DLEU7: variants seen among roughly 807,000 people sequenced by gnomAD.
DLEU7 encodes leukemia-associated protein 7.
In DLEU7, 17 loss-of-function variants were observed where a neutral mutation model predicts 16.0. The ratio of observed to expected loss-of-function variants is 1.06; its 90% CI spans 0.73 to 1.59. The LOEUF is 1.59. DLEU7 is among the 40% of genes most tolerant of loss of function. The pLI is 0.00. For missense variants in DLEU7, 308 were observed against 314.9 expected (o/e 0.98, Z 0.17); for synonymous variants, 113 against 139.8 (o/e 0.81, Z 1.35).
At position 50,786,721 on chromosome 13, in the gene DLEU7, A is replaced by C. The variant is rs191643335; in HGVS notation, c.459+56467T>G. Among the ~76,000 whole-genome samples, 52 of 152,294 alleles carry C rather than the reference A, an allele frequency of 3.4e-4. No individual in the cohort carries two copies. The East Asian group carries it at 9.4e-3, about 28-fold the overall frequency. Reference sequence around the variant, plus strand: ...AAATGGAATTTTTAGAAAACATAAAATCCTTTATTTTTTAACTCTTTGTGT... The same window carrying C: ...AAATGGAATTTTTAGAAAACATAAACTCCTTTATTTTTTAACTCTTTGTGT... On this transcript the variant is annotated intron_variant, in intron 1 of 1. Coordinates refer to the DLEU7 transcript ENST00000400393.
At chr13:50,756,036 G>A (rs948270729) in intron 1 of DLEU7, among the ~76,000 whole-genome samples, 2 of 152,198 alleles carry the variant, frequency 1.3e-5, no homozygotes, top group South Asian at 2.1e-4. Context: ...GGTACTGGGG[G>A]TTGTCTGCAC....
chr13:50,761,776 C>G (rs1281378692), intron 1 of DLEU7, among the ~76,000 whole-genome samples: 1 of 152,070 alleles, frequency 6.6e-6, no homozygotes, highest in East Asian at 1.9e-4. Flanking sequence ...AACCACAAGT[C>G]TAAATCAAAA....
At chr13:50,778,710 T>C (rs61964482) in intron 1 of DLEU7, among the ~76,000 whole-genome samples, 3 of 152,216 alleles carry the variant, frequency 2.0e-5, no homozygotes, top group Non-Finnish European at 2.9e-5. Context: ...TTCCTAGTTT[T>C]CCAAATGTCC....
At chr13:50,822,580 G>A (rs1223377572), downstream of DLEU7, 1 of 966,066 alleles carries the variant, frequency 1.0e-6, no homozygotes, top group Non-Finnish European at 1.2e-6. Context: ...TTTTTTTAAA[G>A]AATTTCCTAC....
intron 1 of DLEU7, among the ~76,000 whole-genome samples, chr13:50,801,372 T>C (rs1275165285): frequency 6.6e-6 from 1 of 152,122 alleles, no homozygotes; most frequent in Non-Finnish European, 1.5e-5. Context: ...GACCATTCTT[T>C]AGCAGCACGG....
intron 1 of DLEU7, among the ~76,000 whole-genome samples, chr13:50,782,859 T>C (rs1875695526): frequency 6.6e-6 from 1 of 152,016 alleles, no homozygotes; most frequent in South Asian, 2.1e-4. Flanking sequence ...CATTAATTAC[T>C]GAATGTAGCA....
chr13:50,785,855 A>G (rs1875782334), intron 1 of DLEU7, among the ~76,000 whole-genome samples: 1 of 152,188 alleles, frequency 6.6e-6, no homozygotes. Flanking sequence ...AGGTGTGGCC[A>G]TGGATATTCC....
chr13:50,764,322 C>T (rs1875035104), intron 1 of DLEU7, among the ~76,000 whole-genome samples: 1 of 152,198 alleles, frequency 6.6e-6, no homozygotes, highest in Non-Finnish European at 1.5e-5. Context: ...TTCCTTCTTC[C>T]ACTCCTATAT....
At chr13:50,771,258 A>G (rs1875299405) in intron 1 of DLEU7, among the ~76,000 whole-genome samples, 2 of 152,000 alleles carry the variant, frequency 1.3e-5, no homozygotes, top group African/African-American at 2.4e-5. Flanking sequence ...TTGTGTCTCT[A>G]TCTCCTTCAG....
At chr13:50,732,953 C>T (rs1413533643) in intron 1 of DLEU7, among the ~76,000 whole-genome samples, 2 of 152,148 alleles carry the variant, frequency 1.3e-5, no homozygotes, top group South Asian at 2.1e-4. Context: ...ACTGTGATGT[C>T]CTGAGGGCAT....
At chr13:50,805,498 A>G (rs9535485) in intron 1 of DLEU7, among the ~76,000 whole-genome samples, 11,954 of 152,136 alleles carry the variant, frequency 0.079, 635 homozygotes, top group East Asian at 0.14. Flanking sequence ...TTATTGTTTT[A>G]TTATTTTGAT....
intron 1 of DLEU7, among the ~76,000 whole-genome samples, chr13:50,784,529 G>A (rs1405672841): frequency 2.0e-5 from 3 of 152,238 alleles, no homozygotes; most frequent in African/African-American, 4.8e-5. Context: ...TGTGCCCCCA[G>A]ATAATGGACA....
At chr13:50,752,374 C>T (rs1011089874) in intron 1 of DLEU7, among the ~76,000 whole-genome samples, 5 of 151,916 alleles carry the variant, frequency 3.3e-5, no homozygotes, top group Admixed American at 6.6e-5. Flanking sequence ...TTGATGTAGG[C>T]GTTTAGGGCT....
intron 1 of DLEU7, among the ~76,000 whole-genome samples, chr13:50,793,191 G>A (rs1165223615): frequency 6.6e-5 from 10 of 151,980 alleles, no homozygotes; most frequent in Admixed American, 6.5e-4. Context: ...CACCCGTGTT[G>A]CTGCAAAGGA....
intron 1 of DLEU7, among the ~76,000 whole-genome samples, chr13:50,730,094 G>T (rs1873876162): frequency 6.6e-6 from 1 of 151,906 alleles, no homozygotes; most frequent in Non-Finnish European, 1.5e-5. Flanking sequence ...TTCATTAAGT[G>T]GAAGTGGATC....
At chr13:50,797,961 C>T (rs1022655129) in intron 1 of DLEU7, among the ~76,000 whole-genome samples, 1 of 152,112 alleles carries the variant, frequency 6.6e-6, no homozygotes, top group Non-Finnish European at 1.5e-5. Context: ...ACTGTTTTGG[C>T]TTAGGGAAAC....
chr13:50,711,772 C>CCGGGGGGGGGGGGGGGGGGGGGGGGGGG, downstream of DLEU7: 1 of 73,002 alleles, frequency 1.4e-5, no homozygotes, highest in Admixed American at 1.4e-4. Context: ...GACCCAGTGG[C>CCGGGGGGGGGGGGGGGGGGGGGGGGGGG]GGGGGCGGGG....
intron 1 of DLEU7, among the ~76,000 whole-genome samples, chr13:50,838,511 T>C (rs1439886279): frequency 6.6e-6 from 1 of 152,238 alleles, no homozygotes; most frequent in African/African-American, 2.4e-5. Context: ...TAGACTAGCT[T>C]CCTCCTGGTG....
chr13:50,725,263 A>AT (rs901433447), intron 1 of DLEU7, among the ~76,000 whole-genome samples: 1 of 152,128 alleles, frequency 6.6e-6, no homozygotes, highest in African/African-American at 2.4e-5. Context: ...ATGGGCTGTG[A>AT]TTTTGTCAAT....
Sources: allele counts gnomAD v4.1 joint callset (sites outside exome capture counted in the v4.1 genomes callset), GRCh38; gene constraint gnomAD v4.1.1; transcripts MANE v1.5; gene names NCBI Gene and HGNC (gene_info 2026-07-23, HGNC 2026-07-21).